Variants in RBFOX1 observed in about 807,000 individuals in gnomAD.
RBFOX1 encodes RNA binding fox-1 homolog 1, also known as RNA binding protein fox-1 homolog 1.
A neutral mutation model predicts 57.7 loss-of-function variants in RBFOX1; 8 were observed. The observed-to-expected ratio is 0.14, with a 90% CI of 0.08 to 0.25. RBFOX1 has a LOEUF of 0.25. Among genes scored for constraint, RBFOX1 ranks in the 10% least tolerant of loss-of-function variants. The pLI, the probability that RBFOX1 is intolerant of heterozygous loss-of-function variation, is 1.00. For synonymous variants in RBFOX1, 326 were observed against 222.4 expected (o/e 1.47, Z -4.15); for missense variants, 611 against 548.5 (o/e 1.11, Z -1.14).
At position 6,238,090 on chromosome 16, in the gene RBFOX1, CAAAA is replaced by C. The variant is rs368995420; in HGVS notation, c.-126-78887_-126-78884del. On this transcript the variant is annotated intron_variant, in intron 1 of 15. Coordinates refer to ENST00000550418, the MANE Select transcript of RBFOX1 (RefSeq NM_018723.4). ...TGGGTGACAGAATGAGACTCTGTCT[CAAAA>C]AAAAAAAAAAAAAAAAAGAAAGAAA... Among the ~76,000 whole-genome samples, 3 of 66,084 alleles carry C rather than the reference CAAAA, an allele frequency of 4.5e-5. No individual in the cohort carries two copies. In the Admixed American group the frequency reaches 4.7e-4, roughly 10 times the overall value. 43.4% of individuals were successfully genotyped at this position (66,084 alleles called of 152,430 possible).
intron 4 of RBFOX1, among the ~76,000 whole-genome samples, chr16:7,466,112 A>T (rs903430567): frequency 2.0e-5 from 3 of 152,202 alleles, no homozygotes. Context: ...AGGGGAAAAG[A>T]TGCCTGGTTT....
intron 4 of RBFOX1, among the ~76,000 whole-genome samples, chr16:5,949,075 C>T (rs1487084839): frequency 2.0e-5 from 3 of 152,058 alleles, no homozygotes; most frequent in African/African-American, 7.2e-5. Flanking sequence ...TAATTGGAGC[C>T]ATCATGAATG....
At chr16:7,082,951 C>G (rs2059425504) in intron 4 of RBFOX1, among the ~76,000 whole-genome samples, 1 of 152,114 alleles carries the variant, frequency 6.6e-6, no homozygotes. Context: ...GAAAGCAGCT[C>G]TGGACCTACC....
At chr16:6,235,652 G>A (rs1373220829) in intron 1 of RBFOX1, among the ~76,000 whole-genome samples, 2 of 151,402 alleles carry the variant, frequency 1.3e-5, no homozygotes, top group Non-Finnish European at 2.9e-5. Context: ...ATACACATAT[G>A]TATATGATAG....
At chr16:6,321,089 A>T (rs573451241) in intron 2 of RBFOX1, among the ~76,000 whole-genome samples, 57 of 152,322 alleles carry the variant, frequency 3.7e-4, no homozygotes, top group Non-Finnish European at 7.9e-4. Context: ...CCATCACGTT[A>T]AAGTAACATA....
intron 4 of RBFOX1, among the ~76,000 whole-genome samples, chr16:7,232,221 A>C (rs1180237923): frequency 6.6e-6 from 1 of 152,078 alleles, no homozygotes; most frequent in African/African-American, 2.4e-5. Context: ...ACGGGGTTTC[A>C]CCATGTTGGC....
At chr16:7,221,366 T>TA (rs55674919) in intron 4 of RBFOX1, among the ~76,000 whole-genome samples, 32,528 of 147,722 alleles carry the variant, frequency 0.22, 4,541 homozygotes, top group East Asian at 0.53. Context: ...TTTATTTATT[T>TA]TTTTATTTAT....
intron 2 of RBFOX1, among the ~76,000 whole-genome samples, chr16:6,598,731 A>T (rs1349274285): frequency 2.6e-5 from 4 of 152,058 alleles, no homozygotes; most frequent in Admixed American, 2.6e-4. Context: ...GCAGATCACG[A>T]GGTTGGGAGT....
intron 4 of RBFOX1, among the ~76,000 whole-genome samples, chr16:7,098,452 G>T (rs1230539290): frequency 1.3e-5 from 2 of 152,212 alleles, no homozygotes; most frequent in Non-Finnish European, 2.9e-5. Flanking sequence ...TTACAGGCAT[G>T]AGCTACTGTG....
chr16:6,205,933 G>A (rs1252747795), intron 1 of RBFOX1, among the ~76,000 whole-genome samples: 1 of 134,326 alleles, frequency 7.4e-6, no homozygotes, highest in Non-Finnish European at 1.5e-5. Flanking sequence ...GTTTTTGATA[G>A]CCAGTGCACC....
In RBFOX1 at chr16:7,126,336, C is replaced by A. The variant is rs143038000; in HGVS notation, c.27+74238C>A. The A allele has an allele frequency of 6.5e-3, 1,808 of 278,606 alleles. 61 individuals are homozygous for A. Among genetic ancestry groups the A allele is most frequent in the Admixed American group, 0.054 (1,385 of 25,590 alleles). The allele number at this position is 278,606 out of a possible 1,614,324, so 17.3% of individuals were successfully genotyped here. On this transcript the variant is annotated intron_variant, in intron 4 of 15. Transcript: ENST00000550418. ...GGGTCATGGGGCAGCACCCGCAGGTCTAAATCGAGGTGGGGGTTTTTGGTC... is the reference window on the plus strand; with the variant it reads ...GGGTCATGGGGCAGCACCCGCAGGTATAAATCGAGGTGGGGGTTTTTGGTC...
intron 3 of RBFOX1, among the ~76,000 whole-genome samples, chr16:6,670,857 G>C (rs1318002296): frequency 6.7e-6 from 1 of 149,522 alleles, no homozygotes; most frequent in Non-Finnish European, 1.5e-5. Flanking sequence ...AAAATTAGCC[G>C]GGCATGGTGG....
chr16:6,821,568 C>G (rs1386129569), intron 3 of RBFOX1, among the ~76,000 whole-genome samples: 2 of 152,146 alleles, frequency 1.3e-5, no homozygotes, highest in African/African-American at 2.4e-5. Flanking sequence ...CTCCCCCCAA[C>G]CGCTGGTAAC....
At chr16:5,908,719 C>T (rs902557829) in intron 4 of RBFOX1, among the ~76,000 whole-genome samples, 11 of 152,066 alleles carry the variant, frequency 7.2e-5, no homozygotes, top group Non-Finnish European at 1.2e-4. Context: ...CATATAAACT[C>T]GTGGGCCCCT....
intron 4 of RBFOX1, among the ~76,000 whole-genome samples, chr16:6,005,969 G>C (rs1163429894): frequency 6.6e-6 from 1 of 152,214 alleles, no homozygotes; most frequent in Non-Finnish European, 1.5e-5. Flanking sequence ...CTGTATAGCA[G>C]ACAAGGCTAG....
chr16:6,066,516 C>G (rs2095765381), intron 1 of RBFOX1, among the ~76,000 whole-genome samples: 1 of 151,998 alleles, frequency 6.6e-6, no homozygotes, highest in Non-Finnish European at 1.5e-5. Flanking sequence ...GGTGGTTATG[C>G]AGTATTTTTC....
At chr16:7,595,473 G>T in intron 7 of RBFOX1, 76 bp from the exon 8 acceptor site, 2 of 1,153,458 alleles carry the variant, frequency 1.7e-6, no homozygotes, top group South Asian at 3.5e-5. Flanking sequence ...AAATTAAAGC[G>T]AGAGAACATT....
rs1567536524 is a variant in RBFOX1 at position 5,455,026 on chromosome 16, TCTC to T, written c.220-12189_220-12187del. 1.0e-3 allele frequency among the ~76,000 whole-genome samples: 121 copies of T among 120,250 alleles called. 1 individual carries two copies. The highest frequency in any genetic ancestry group is 7.4e-3 in the East Asian group (28 of 3,760). The allele number at this position is 120,250 out of a possible 152,430, so 78.9% of individuals were successfully genotyped here. On this transcript the variant is annotated intron_variant, in intron 1 of 2. Coordinates refer to the RBFOX1 transcript ENST00000585867. Reference sequence around the variant, plus strand: ...TTCTTTCTTTCTTTCTTTCTTTCTCTCTCTCTGTCTGTCTCTCTTTCTTTCTTT... The same window carrying T: ...TTCTTTCTTTCTTTCTTTCTTTCTCTTCTGTCTGTCTCTCTTTCTTTCTTT...
chr16:6,543,105 C>T (rs1479960913), intron 2 of RBFOX1, among the ~76,000 whole-genome samples: 3 of 152,130 alleles, frequency 2.0e-5, no homozygotes, highest in Non-Finnish European at 2.9e-5. Context: ...AAATAAGCTC[C>T]GTGTTTAGCA....
Sources: gnomAD v4.1 joint callset for allele counts (sites outside exome capture counted in the v4.1 genomes callset) on GRCh38, gnomAD v4.1.1 for gene constraint, MANE v1.5 for transcripts, NCBI Gene and HGNC (gene_info 2026-07-23, HGNC 2026-07-21) for gene names.